Variants in SGCE observed in about 807,000 individuals in gnomAD.
SGCE encodes the protein sarcoglycan epsilon, also known as epsilon-sarcoglycan.
SGCE carries 26 observed loss-of-function variants against 57.8 expected under a neutral mutation model. The observed-to-expected ratio is 0.45, with a 90% confidence interval of 0.33 to 0.62. The LOEUF (loss-of-function observed/expected upper bound fraction) is 0.62. SGCE is among the 20% of genes least tolerant of loss of function. The pLI is 0.02. For missense variants in SGCE, 468 were observed against 548.6 expected, an observed-to-expected ratio of 0.85 and a Z score of 1.47; for synonymous variants, 183 against 189.5, an observed-to-expected ratio of 0.97 and a Z score of 0.28.
intron 9 of SGCE, among the ~76,000 whole-genome samples, chr7:94,592,289 T>C (rs1797801053): frequency 6.6e-6 from 1 of 152,170 alleles, no homozygotes; most frequent in Admixed American, 6.6e-5. Flanking sequence ...CAATCCCAAC[T>C]CTGCTAGTTA....
At chr7:94,642,949 A>G (rs1806600108) in intron 1 of SGCE, among the ~76,000 whole-genome samples, 1 of 152,220 alleles carries the variant, frequency 6.6e-6, no homozygotes, top group Non-Finnish European at 1.5e-5. Flanking sequence ...CTTAATCTTA[A>G]AGCATAATGA....
At chr7:94,599,223 G>C (rs1346211155) in intron 8 of SGCE, 1 of 362,498 alleles carries the variant, frequency 2.8e-6, no homozygotes, top group African/African-American at 2.1e-5. Flanking sequence ...TAATATTACT[G>C]TCCTAAGTAA....
Position 94,623,319 on chromosome 7 carries a change from A to C in SGCE, c.463+6T>G, listed in dbSNP as rs754002445. On this transcript the variant is annotated splice_donor_region_variant and intron_variant, in intron 4 of 10. Transcript: ENST00000648936. ...TAAGAAATGATCAACATATTTTCATACCTACCTTCTGCAGACATTATATTA... is the reference window on the plus strand; with the variant it reads ...TAAGAAATGATCAACATATTTTCATCCCTACCTTCTGCAGACATTATATTA... The C allele has an allele frequency of 3.2e-6, 5 of 1,540,754 alleles. No homozygotes were observed. The highest frequency in any genetic ancestry group is 3.4e-5 in the Admixed American group (2 of 58,846).
At chr7:94,587,714 G>A (rs188711194) in intron 10 of SGCE, 14 of 1,534,300 alleles carry the variant, frequency 9.1e-6, no homozygotes, top group East Asian at 2.5e-5. Context: ...AATCAAAATT[G>A]TAGGGAAAAA....
intron 3 of SGCE, 51 bp downstream of exon 3, chr7:94,628,137 TACACACACACACAC>T (rs138881114): frequency 1.3e-5 from 13 of 991,934 alleles, no homozygotes; most frequent in Non-Finnish European, 1.7e-5. Context: ...CAAATTACAA[TACACACACACACAC>T]ACACACACAC....
At chr7:94,606,340 A>G (rs1366915526) in intron 5 of SGCE, among the ~76,000 whole-genome samples, 1 of 152,214 alleles carries the variant, frequency 6.6e-6, no homozygotes, top group Non-Finnish European at 1.5e-5. Context: ...TTAATTTCAG[A>G]CAGAGCCAAC....
At chr7:94,606,151 A>G (rs151057996) in intron 5 of SGCE, among the ~76,000 whole-genome samples, 15 of 152,280 alleles carry the variant, frequency 9.9e-5, no homozygotes, top group African/African-American at 2.6e-4. Flanking sequence ...TTAAACATCA[A>G]TGGTCTAAAT....
At chr7:94,601,328 T>C (rs913756222) in intron 6 of SGCE, among the ~76,000 whole-genome samples, 1 of 151,518 alleles carries the variant, frequency 6.6e-6, no homozygotes, top group African/African-American at 2.4e-5. Flanking sequence ...AGGGACAATT[T>C]CCAAACGTGT....
At chr7:94,644,620 G>A in intron 1 of SGCE, 1 of 1,282,356 alleles carries the variant, frequency 7.8e-7, no homozygotes, top group Non-Finnish European at 1.0e-6. Flanking sequence ...AAAGCAAACT[G>A]TCAAGTCTTT....
At chr7:94,638,666 G>A (rs796847671) in intron 1 of SGCE, among the ~76,000 whole-genome samples, 96 of 151,774 alleles carry the variant, frequency 6.3e-4, no homozygotes, top group African/African-American at 2.2e-3. Context: ...AATATTAAGT[G>A]CAAGTTCATA....
Position 94,599,741 on chromosome 7 carries a change from T to C in SGCE, c.1038-18A>G, listed in dbSNP as rs779693236. ...TCTTTTCCCTAGAAACAAAACAAAATTTATGAATTAAATAATAGCATTGAT... is the reference window on the plus strand; with the variant it reads ...TCTTTTCCCTAGAAACAAAACAAAACTTATGAATTAAATAATAGCATTGAT... On this transcript the variant is annotated intron_variant, in intron 7 of 10. Coordinates refer to ENST00000648936, the MANE Select transcript of SGCE (RefSeq NM_003919.3). 2.6e-6 allele frequency: 4 copies of C among 1,528,900 alleles called. No homozygotes were observed. The highest frequency in any genetic ancestry group is 3.6e-6 in the Non-Finnish European group (4 of 1,103,390). 94.7% of individuals were successfully genotyped at this position (1,528,900 alleles called of 1,614,324 possible).
Position 94,589,201 on chromosome 7 carries a change from G to A in SGCE, c.1254-469C>T, listed in dbSNP as rs141924928. The A allele has an allele frequency of 4.1e-4, 72 of 176,890 alleles. No individual in the cohort carries two copies. The East Asian group carries it at 8.1e-3, about 20-fold the overall frequency. The allele number at this position is 176,890 out of a possible 1,614,324, so 11.0% of individuals were successfully genotyped here. On this transcript the variant is annotated intron_variant, in intron 9 of 10. Coordinates refer to ENST00000648936, the MANE Select transcript of SGCE (RefSeq NM_003919.3). The stretch of plus-strand genomic sequence containing the variant: ...CAAACATCTGTGCTCTTTTATCTTC[G>A]TGTCAGGAATGACACTGGCCATGCA...
intron 6 of SGCE, among the ~76,000 whole-genome samples, chr7:94,602,960 A>G (rs948029490): frequency 1.3e-5 from 2 of 152,188 alleles, no homozygotes; most frequent in African/African-American, 4.8e-5. Context: ...CAGAATATTT[A>G]AGAAGAATCT....
intron 5 of SGCE, chr7:94,616,729 C>G (rs1026931201): frequency 5.3e-5 from 8 of 151,920 alleles, no homozygotes; most frequent in Non-Finnish European, 7.4e-5. Flanking sequence ...AGAAAACATG[C>G]AAAATCATTT....
chr7:94,648,376 CAAAA>C (rs71123907), intron 1 of SGCE, among the ~76,000 whole-genome samples: 7 of 65,084 alleles, frequency 1.1e-4, no homozygotes, highest in South Asian at 1.5e-3. Flanking sequence ...ACTCTGTCTC[CAAAA>C]AAAAAAAAAA....
intron 1 of SGCE, among the ~76,000 whole-genome samples, chr7:94,637,296 C>T (rs1197998998): frequency 6.6e-6 from 1 of 152,132 alleles, no homozygotes. Flanking sequence ...TCTCCTCATA[C>T]AGTTGACAAA....
rs1362430484 is a variant in SGCE at position 94,635,063 on chromosome 7, A to G, written c.110-5222T>C. On this transcript the variant is annotated intron_variant, in intron 1 of 10. Coordinates refer to ENST00000648936, the MANE Select transcript of SGCE (RefSeq NM_003919.3). ...GCCTAAGATACTATAACACAATATAATTAATAAGTAACTTATTAATAAGCA... is the reference window on the plus strand; with the variant it reads ...GCCTAAGATACTATAACACAATATAGTTAATAAGTAACTTATTAATAAGCA... Among the ~76,000 whole-genome samples, 11 of 152,326 alleles carry G rather than the reference A, an allele frequency of 7.2e-5. No homozygotes were observed. In the South Asian group the frequency reaches 1.4e-3, roughly 20 times the overall value.
intron 1 of SGCE, among the ~76,000 whole-genome samples, chr7:94,639,714 A>T (rs1328635648): frequency 6.6e-6 from 1 of 152,200 alleles, no homozygotes; most frequent in Non-Finnish European, 1.5e-5. Context: ...ACATACATAC[A>T]CATATATACA....
chr7:94,588,785 C>CAG, intron 9 of SGCE, 53 bp from the exon 10 acceptor site: 1 of 1,610,350 alleles, frequency 6.2e-7, no homozygotes, highest in Non-Finnish European at 8.5e-7. Context: ...CACTTGTAAA[C>CAG]AGAGAGCAGA....
Sources: allele counts gnomAD v4.1 joint callset (sites outside exome capture counted in the v4.1 genomes callset), GRCh38; gene constraint gnomAD v4.1.1; transcripts MANE v1.5; gene names NCBI Gene and HGNC (gene_info 2026-07-23, HGNC 2026-07-21).